Variants in NKAIN3 observed in about 807,000 individuals in gnomAD.
NKAIN3 encodes sodium/potassium-transporting ATPase subunit beta-1-interacting protein 3.
Under a neutral mutation model 30.2 loss-of-function variants are expected in NKAIN3, and 25 were observed. That is an observed-to-expected ratio of 0.83 (90% CI 0.60 to 1.16). The LOEUF (loss-of-function observed/expected upper bound fraction) is 1.16, where lower values mean the gene tolerates loss of function less well. Among genes scored for constraint, NKAIN3 ranks in the 50% most tolerant of loss-of-function variants. The probability of loss-of-function intolerance (pLI) is 0.00; values close to 1 mark genes in which losing one functional copy is unlikely to be tolerated. For missense variants in NKAIN3, 225 were observed against 254.1 expected, an observed-to-expected ratio of 0.89 and a Z score of 0.78; for synonymous variants, 91 against 89.6, an observed-to-expected ratio of 1.02 and a Z score of -0.09.
intron 3 of NKAIN3, among the ~76,000 whole-genome samples, chr8:62,727,363 C>G (rs192074401): frequency 6.6e-6 from 1 of 151,902 alleles, no homozygotes; most frequent in Admixed American, 6.6e-5. Flanking sequence ...AGTAAGACAA[C>G]AAAAGGAAAC....
At chr8:62,703,457 C>A (rs1814410012) in intron 3 of NKAIN3, among the ~76,000 whole-genome samples, 1 of 152,130 alleles carries the variant, frequency 6.6e-6, no homozygotes, top group African/African-American at 2.4e-5. Flanking sequence ...CTAAAAAAAA[C>A]TCAAAACATT....
At chr8:62,884,061 T>A (rs1032464430) in intron 4 of NKAIN3, among the ~76,000 whole-genome samples, 1 of 152,178 alleles carries the variant, frequency 6.6e-6, no homozygotes, top group Non-Finnish European at 1.5e-5. Context: ...TAAATCTCAC[T>A]TAGTCATGAT....
chr8:62,729,052 A>AAAAAAAAAAAAAAAAAAAAAAAAC (rs1815382295), intron 3 of NKAIN3, among the ~76,000 whole-genome samples: 2 of 138,384 alleles, frequency 1.4e-5, no homozygotes, highest in African/African-American at 5.6e-5. Context: ...AAAAAAAAAA[A>AAAAAAAAAAAAAAAAAAAAAAAAC]CCTCCTGCTC....
intron 1 of NKAIN3, among the ~76,000 whole-genome samples, chr8:62,544,397 A>G (rs572632243): frequency 6.6e-6 from 1 of 152,294 alleles, no homozygotes; most frequent in South Asian, 2.1e-4. Flanking sequence ...TGTGATTGCA[A>G]TAATACATGT....
chr8:62,404,958 T>G (rs1804016353), intron 1 of NKAIN3, among the ~76,000 whole-genome samples: 1 of 152,116 alleles, frequency 6.6e-6, no homozygotes, highest in African/African-American at 2.4e-5. Context: ...CCAAGGACTC[T>G]TTAGTCAGCA....
intron 4 of NKAIN3, among the ~76,000 whole-genome samples, chr8:62,751,880 ACT>A (rs1331779127): frequency 6.7e-6 from 1 of 148,496 alleles, no homozygotes; most frequent in Non-Finnish European, 1.5e-5. Context: ...TCTCCCACTC[ACT>A]CCCTCAGGCT....
At chr8:62,951,225 AG>A (rs887733398) in intron 5 of NKAIN3, among the ~76,000 whole-genome samples, 4 of 152,068 alleles carry the variant, frequency 2.6e-5, no homozygotes, top group Admixed American at 2.0e-4. Context: ...TCCAGCTGGT[AG>A]GGTCAGTGGA....
chr8:62,806,584 C>T (rs1818291048), intron 4 of NKAIN3, among the ~76,000 whole-genome samples: 1 of 152,028 alleles, frequency 6.6e-6, no homozygotes, highest in Non-Finnish European at 1.5e-5. Flanking sequence ...TGTTCTCACT[C>T]ATAGGTGGGA....
chr8:62,440,034 C>A (rs1233184423), intron 1 of NKAIN3, among the ~76,000 whole-genome samples: 7 of 151,972 alleles, frequency 4.6e-5, no homozygotes, highest in Admixed American at 2.0e-4. Flanking sequence ...TTGAATTCTG[C>A]CTTTCTTTTT....
At chr8:62,727,078 T>C (rs1815282023) in intron 3 of NKAIN3, among the ~76,000 whole-genome samples, 1 of 151,952 alleles carries the variant, frequency 6.6e-6, no homozygotes, top group Admixed American at 6.5e-5. Flanking sequence ...ATTGACCACA[T>C]CAGCAGGCTA....
intron 1 of NKAIN3, among the ~76,000 whole-genome samples, chr8:62,282,453 C>T (rs1439510627): frequency 2.0e-5 from 3 of 152,136 alleles, no homozygotes; most frequent in African/African-American, 7.2e-5. Flanking sequence ...CTTCTTGTCT[C>T]AATTCAGAGT....
At position 62,463,923 on chromosome 8, in the gene NKAIN3, CTG is replaced by C. The variant is rs908787728; in HGVS notation, c.55-115613_55-115612del. Among the ~76,000 whole-genome samples, 9 of 152,046 alleles carry C rather than the reference CTG, an allele frequency of 5.9e-5. 1 individual carries two copies. Among genetic ancestry groups the C allele is most frequent in the Admixed American group, 5.2e-4 (8 of 15,244 alleles). ...TGTAGCTGACCACAGGTAACTGAAA[CTG>C]TGAAAGGTGAAACTACAGAAAGAAA... On this transcript the variant is annotated intron_variant, in intron 1 of 6. Coordinates refer to ENST00000623646, the MANE Select transcript of NKAIN3 (RefSeq NM_001304533.3).
At chr8:62,680,052 T>A (rs1214574077) in intron 3 of NKAIN3, among the ~76,000 whole-genome samples, 1 of 152,122 alleles carries the variant, frequency 6.6e-6, no homozygotes, top group Admixed American at 6.6e-5. Context: ...GGAGGTCAGA[T>A]AGATTGAAAG....
chr8:62,881,725 G>A (rs1008941901), intron 4 of NKAIN3, among the ~76,000 whole-genome samples: 3 of 152,184 alleles, frequency 2.0e-5, no homozygotes, highest in Non-Finnish European at 4.4e-5. Flanking sequence ...GTGCAAACAT[G>A]TTTTAAACTG....
rs376417874 is a variant in NKAIN3 at position 62,336,157 on chromosome 8, G to C, written c.54+87030G>C. Reference sequence around the variant, plus strand: ...TAACTTTGCAAGTCTATTGCTGGGAGAGCCTGGGAATGAGAAACAATTTTA... The same window carrying C: ...TAACTTTGCAAGTCTATTGCTGGGACAGCCTGGGAATGAGAAACAATTTTA... On this transcript the variant is annotated intron_variant, in intron 1 of 6. Transcript: ENST00000623646. Among the ~76,000 whole-genome samples, 3 of 152,158 alleles carry C rather than the reference G, an allele frequency of 2.0e-5. No homozygotes were observed. The East Asian group carries it at 5.8e-4, about 30-fold the overall frequency.
intron 1 of NKAIN3, among the ~76,000 whole-genome samples, chr8:62,454,161 T>C (rs1198948998): frequency 6.6e-6 from 1 of 151,850 alleles, no homozygotes; most frequent in African/African-American, 2.4e-5. Flanking sequence ...TGTTGTGGAC[T>C]TCACTCCATA....
chr8:62,370,987 C>T (rs1816890458), intron 1 of NKAIN3, among the ~76,000 whole-genome samples: 1 of 151,932 alleles, frequency 6.6e-6, no homozygotes, highest in African/African-American at 2.4e-5. Context: ...TCTTAGAGAA[C>T]ATTTTTAAAC....
intron 3 of NKAIN3, among the ~76,000 whole-genome samples, chr8:62,598,418 T>C (rs1227274391): frequency 6.6e-6 from 1 of 151,992 alleles, no homozygotes; most frequent in African/African-American, 2.4e-5. Flanking sequence ...GCGAAACCCA[T>C]AGAGGGAGGG....
At chr8:62,451,703 C>T (rs535014138) in intron 1 of NKAIN3, among the ~76,000 whole-genome samples, 1 of 152,172 alleles carries the variant, frequency 6.6e-6, no homozygotes, top group East Asian at 1.9e-4. Context: ...TGATTAGTCT[C>T]TTAATTATCA....
Sources: gnomAD v4.1 joint callset for allele counts (sites outside exome capture counted in the v4.1 genomes callset) on GRCh38, gnomAD v4.1.1 for gene constraint, MANE v1.5 for transcripts, NCBI Gene and HGNC (gene_info 2026-07-23, HGNC 2026-07-21) for gene names.